The following NF1 variants were observed in gnomAD, a reference collection of about 807,000 sequenced individuals.
The protein encoded by NF1 is neurofibromin.
NF1 carries 122 observed loss-of-function variants against 325.7 expected under a neutral mutation model. The observed-to-expected ratio is 0.37, with a 90% CI of 0.32 to 0.44. The LOEUF (loss-of-function observed/expected upper bound fraction) is 0.44. Among genes scored for constraint, NF1 ranks in the 20% least tolerant of loss-of-function variants. NF1 has a pLI of 1.00. For missense variants in NF1, 2,140 were observed against 3,415.4 expected (o/e 0.63, Z 9.31); for synonymous variants, 1,091 against 1,186.0 (o/e 0.92, Z 1.65).
chr17:31,361,081 C>CAAAAAAAAAAAAAAAAAAA (rs60249232), intron 57 of NF1: 39 of 46,548 alleles, frequency 8.4e-4, no homozygotes, highest in Admixed American at 3.0e-3. Flanking sequence ...CATACTATAT[C>CAAAAAAAAAAAAAAAAAAA]AAAAAAAAAA....
At chr17:31,165,179 G>A (rs1343731843) in intron 4 of NF1, among the ~76,000 whole-genome samples, 1 of 152,100 alleles carries the variant, frequency 6.6e-6, no homozygotes, top group Non-Finnish European at 1.5e-5. Context: ...GTCACCAAAG[G>A]TTTTACTTTA....
At chr17:31,203,844 A>G (rs1332772750) in intron 11 of NF1, among the ~76,000 whole-genome samples, 1 of 152,120 alleles carries the variant, frequency 6.6e-6, no homozygotes, top group Non-Finnish European at 1.5e-5. Context: ...GGGTTTGTGT[A>G]GAAGTAGTAA....
intron 1 of NF1, chr17:31,133,530 T>A (rs974121236): frequency 6.6e-6 from 1 of 152,232 alleles, no homozygotes; most frequent in Non-Finnish European, 1.5e-5. Context: ...ATGGTAATTC[T>A]ATTTGTAATA....
At chr17:31,124,240 T>A (rs988712853) in intron 1 of NF1, among the ~76,000 whole-genome samples, 1 of 152,050 alleles carries the variant, frequency 6.6e-6, no homozygotes, top group East Asian at 1.9e-4. Context: ...TTTTTAATTT[T>A]TTTTTGCAGA....
rs772639479 is a variant in NF1 at position 31,337,476 on chromosome 17, G to A, written c.6536G>A (p.Arg2179His). Residue 2179 changes from arginine to histidine, a missense_variant, in exon 43 of 58, where the codon CGT (arginine) becomes CAT (histidine). Arg to His is a conservative substitution (Grantham distance 29). This residue lies in a region of NF1 where 180 missense variants were observed against 435.1 expected (regional missense o/e 0.41). Transcript: ENST00000358273. ...AAGTCAGCTGCTGTCATTGCCTTCCGTTCCAGTTACCGGGACAGGTCATTC... is the reference window on the plus strand; with the variant it reads ...AAGTCAGCTGCTGTCATTGCCTTCCATTCCAGTTACCGGGACAGGTCATTC... ...KVKSAAVIAF[R>H]SSYRDRSFSP... is the part of the protein sequence containing the mutation. 3.1e-6 allele frequency: 5 copies of A among 1,614,028 alleles called. No homozygotes were observed. The highest frequency in any genetic ancestry group is 4.2e-6 in the Non-Finnish European group (5 of 1,179,992).
In NF1 at chr17:31,270,466, C is replaced by T. The variant is rs112049073; in HGVS notation, c.4835+5127C>T. ...ACCACGGAAGAATACAAAAATCAGC[C>T]GTACATTGTGGCATACACCTGTAGC... On this transcript the variant is annotated intron_variant, in intron 36 of 57. Transcript: ENST00000358273. 8.5e-3 allele frequency among the ~76,000 whole-genome samples: 1,286 copies of T among 152,152 alleles called. 26 individuals are homozygous for T. Among genetic ancestry groups the T allele is most frequent in the African/African-American group, 0.03 (1,226 of 41,484 alleles).
chr17:31,314,289 T>C (rs575030370), intron 36 of NF1: 1 of 290,042 alleles, frequency 3.4e-6, no homozygotes, highest in South Asian at 1.6e-4. Flanking sequence ...TATGATTATG[T>C]AAATTAAATA....
intron 13 of NF1, among the ~76,000 whole-genome samples, chr17:31,217,956 AAG>A (rs1174992842): frequency 6.6e-6 from 1 of 151,492 alleles, no homozygotes; most frequent in African/African-American, 2.4e-5. Flanking sequence ...AAAAAAAAAA[AAG>A]GTAGGCATTC....
intron 36 of NF1, among the ~76,000 whole-genome samples, chr17:31,273,172 T>C (rs552732619): frequency 1.3e-5 from 2 of 152,350 alleles, no homozygotes; most frequent in African/African-American, 4.8e-5. Context: ...TGGTATTTTC[T>C]TGATTTCTCA....
chr17:31,169,720 AT>A (rs540076802), intron 4 of NF1, among the ~76,000 whole-genome samples, 170 bp from the exon 5 acceptor site: 2 of 151,004 alleles, frequency 1.3e-5, no homozygotes, highest in African/African-American at 4.9e-5. Flanking sequence ...TAATTTTTGT[AT>A]TTTTTTTAGA....
intron 8 of NF1, among the ~76,000 whole-genome samples, chr17:31,184,581 C>T (rs1471092918): frequency 1.4e-5 from 2 of 148,040 alleles, no homozygotes; most frequent in African/African-American, 4.9e-5. Flanking sequence ...CCCCAGGGGG[C>T]GGAGCCTGCA....
chr17:31,280,808 T>G (rs2068104215), intron 36 of NF1, among the ~76,000 whole-genome samples: 1 of 151,836 alleles, frequency 6.6e-6, no homozygotes, highest in Non-Finnish European at 1.5e-5. Context: ...TTTTCTTGCT[T>G]AAGGTATTCA....
intron 4 of NF1, among the ~76,000 whole-genome samples, chr17:31,164,702 T>A (rs1205832844): frequency 6.6e-6 from 1 of 152,188 alleles, no homozygotes; most frequent in Non-Finnish European, 1.5e-5. Context: ...GGGAATTGAT[T>A]AACTTCAGAG....
At chr17:31,305,987 A>G (rs1177157800) in intron 36 of NF1, among the ~76,000 whole-genome samples, 3 of 152,168 alleles carry the variant, frequency 2.0e-5, no homozygotes, top group African/African-American at 7.2e-5. Flanking sequence ...TGCTGGATCC[A>G]TGTGTTCTCT....
Position 31,336,005 on chromosome 17 carries a change from T to G in NF1, c.6007-328T>G, listed in dbSNP as rs992918486. 6.6e-6 allele frequency among the ~76,000 whole-genome samples: 1 copy of G among 152,110 alleles called. No individual in the cohort carries two copies. The highest frequency in any genetic ancestry group is 2.4e-5 in the African/African-American group (1 of 41,432). On this transcript the variant is annotated intron_variant, in intron 40 of 57. Transcript: ENST00000358273. The surrounding 1 kb of genome is among the most constrained non-coding windows in gnomAD (Gnocchi z 5.5). ...CTGCACCCAGCTCTGTATTTTCAAA[T>G]TACTATTTTATATTGATGCTACATT...
At chr17:31,340,681 C>G (rs1342638763) in intron 47 of NF1, 36 bp downstream of exon 47, 7 of 1,599,140 alleles carry the variant, frequency 4.4e-6, no homozygotes, top group Non-Finnish European at 5.1e-6. Flanking sequence ...CTAGATTACT[C>G]AAATTTAGTA....
Position 31,227,619 on chromosome 17 carries a change from A to G in NF1, c.2409+13A>G. ...GGAAGATGGCCAGGTAAGTCTGTAA[A>G]GTTGACTTTTGTCTGTTAACTGATC... On this transcript the variant is annotated intron_variant, in intron 20 of 57. Coordinates refer to ENST00000358273, the MANE Select transcript of NF1 (RefSeq NM_001042492.3). 1 of 1,611,450 alleles carries G rather than the reference A, an allele frequency of 6.2e-7. No homozygotes were observed. The highest frequency in any genetic ancestry group is 8.5e-7 in the Non-Finnish European group (1 of 1,177,766).
In NF1 at chr17:31,374,379, T is replaced by G; in HGVS notation, c.*224T>G. ...TTTTCTTCTACTTTTGGCGTGTATC[T>G]GGTATATGTAAGTGTTCAGAACAAC... is the stretch of plus-strand genomic sequence containing the variant. On this transcript the variant is annotated 3_prime_UTR_variant, in exon 58 of 58. Coordinates refer to ENST00000358273, the MANE Select transcript of NF1 (RefSeq NM_001042492.3). The G allele has an allele frequency of 1.7e-6, 1 of 589,900 alleles. No individual in the cohort carries two copies. The highest frequency in any genetic ancestry group is 3.0e-6 in the Non-Finnish European group (1 of 334,180). 36.5% of individuals were successfully genotyped at this position (589,900 alleles called of 1,614,324 possible).
rs776148989 is a variant in NF1, at chr17:31,337,900, T to C, written c.6704+20T>C. Reference sequence around the variant, plus strand: ...TCAAAGGTATGTCCTAAATTAAATATAAGTTGTAAAAATATGCATATTGTT... The same window carrying C: ...TCAAAGGTATGTCCTAAATTAAATACAAGTTGTAAAAATATGCATATTGTT... On this transcript the variant is annotated intron_variant, in intron 44 of 57. Transcript: ENST00000358273. 2 of 1,609,762 alleles carry C rather than the reference T, an allele frequency of 1.2e-6. No individual in the cohort carries two copies. The highest frequency in any genetic ancestry group is 2.2e-5 in the South Asian group (2 of 90,912).
Sources: allele counts gnomAD v4.1 joint callset (sites outside exome capture counted in the v4.1 genomes callset), GRCh38; gene constraint gnomAD v4.1.1; regional missense constraint gnomAD v4.1.1; non-coding constraint Gnocchi (gnomAD v3.1); transcripts MANE v1.5; gene names NCBI Gene and HGNC (gene_info 2026-07-23, HGNC 2026-07-21).